The following DKK2 variants were observed in gnomAD, a reference collection of about 807,000 sequenced individuals.
DKK2 encodes the protein dickkopf-related protein 2.
Under a neutral mutation model 28.1 loss-of-function variants are expected in DKK2, and 11 were observed. The observed-to-expected ratio is 0.39, with a 90% CI of 0.25 to 0.65. The LOEUF (loss-of-function observed/expected upper bound fraction) is 0.65. Among genes scored for constraint, DKK2 ranks in the 30% least tolerant of loss-of-function variants. DKK2 has a pLI of 0.47. For missense variants in DKK2, 326 were observed against 335.5 expected (o/e 0.97, Z 0.22); for synonymous variants, 135 against 126.5 (o/e 1.07, Z -0.45).
intron 1 of DKK2, among the ~76,000 whole-genome samples, chr4:107,004,043 C>T (rs922669762): frequency 3.3e-5 from 5 of 150,474 alleles, no homozygotes; most frequent in East Asian, 4.0e-4. Context: ...ATTCATAATA[C>T]TATGTGGATT....
At chr4:106,974,019 AG>A (rs769581591) in intron 1 of DKK2, among the ~76,000 whole-genome samples, 22 of 152,066 alleles carry the variant, frequency 1.4e-4, no homozygotes, top group Non-Finnish European at 3.1e-4. Context: ...TGTTTTTGTC[AG>A]GTTTGTCAAA....
Position 106,921,963 on chromosome 4 carries a change from C to T in DKK2, c.*1991G>A, listed in dbSNP as rs1724349379. 6.6e-6 allele frequency: 1 copy of T among 152,384 alleles called. No homozygotes were observed. Among genetic ancestry groups the T allele is most frequent in the Admixed American group, 6.6e-5 (1 of 15,232 alleles). The allele number at this position is 152,384 out of a possible 1,614,324, so 9.4% of individuals were successfully genotyped here. A position where few individuals can be genotyped will look rare whatever the true frequency, so the allele number is the denominator to read the frequency against. On this transcript the variant is annotated 3_prime_UTR_variant, in exon 4 of 4. Transcript: ENST00000285311. Reference sequence around the variant, plus strand: ...ATTAACATTTCCTGTAAATAAATTACTTCAAATAATAATTTTTAAAAGGGT... The same window carrying T: ...ATTAACATTTCCTGTAAATAAATTATTTCAAATAATAATTTTTAAAAGGGT...
In DKK2 at chr4:107,035,848, G is replaced by A. The variant is rs1341432649; in HGVS notation, c.-257C>T. On this transcript the variant is annotated 5_prime_UTR_variant, in exon 1 of 4. Transcript: ENST00000285311. The stretch of plus-strand genomic sequence containing the variant: ...CTGCAATAACTGGAAGCAATCAAAT[G>A]CGAGGCGCTTTCTCGCCAAGGAGGC... 5.6e-6 allele frequency: 3 copies of A among 535,678 alleles called. No individual in the cohort carries two copies. Among genetic ancestry groups the A allele is most frequent in the Non-Finnish European group, 1.0e-5 (3 of 298,708 alleles). The allele number at this position is 535,678 out of a possible 1,614,324, so 33.2% of individuals were successfully genotyped here.
At chr4:107,000,566 T>C (rs1723344354) in intron 1 of DKK2, among the ~76,000 whole-genome samples, 1 of 152,210 alleles carries the variant, frequency 6.6e-6, no homozygotes, top group African/African-American at 2.4e-5. Flanking sequence ...TGGTCTGTTA[T>C]ATACTAATCA....
intron 1 of DKK2, among the ~76,000 whole-genome samples, chr4:107,006,250 G>A (rs1421827278): frequency 6.6e-6 from 1 of 152,186 alleles, no homozygotes; most frequent in Non-Finnish European, 1.5e-5. Context: ...CCATTTTCAT[G>A]TGTTATTAAT....
intron 1 of DKK2, among the ~76,000 whole-genome samples, chr4:106,970,595 A>C (rs1296527328): frequency 6.6e-6 from 1 of 152,042 alleles, no homozygotes; most frequent in African/African-American, 2.4e-5. Context: ...GAACCTCTCA[A>C]ATGATTGACT....
chr4:106,983,378 A>AGAAAGAAC, intron 1 of DKK2, among the ~76,000 whole-genome samples: 1 of 126,276 alleles, frequency 7.9e-6, no homozygotes, highest in Admixed American at 7.7e-5. Flanking sequence ...GAAGAAAGAA[A>AGAAAGAAC]AGAAAGAAAA....
chr4:107,023,006 C>T (rs1723719189), intron 1 of DKK2, among the ~76,000 whole-genome samples: 1 of 151,922 alleles, frequency 6.6e-6, no homozygotes, highest in African/African-American at 2.4e-5. Context: ...TTTGAGTTGC[C>T]TGTCAGATGT....
chr4:106,956,238 T>C (rs1476757257), intron 1 of DKK2, among the ~76,000 whole-genome samples: 2 of 152,092 alleles, frequency 1.3e-5, no homozygotes, highest in African/African-American at 2.4e-5. Flanking sequence ...AAACCACTGC[T>C]CAATGAAATA....
chr4:106,988,025 CG>C (rs971669457), intron 1 of DKK2, among the ~76,000 whole-genome samples: 23 of 152,036 alleles, frequency 1.5e-4, no homozygotes, highest in African/African-American at 5.3e-4. Flanking sequence ...CCATCACGCC[CG>C]GCTAATTTTT....
chr4:107,024,294 G>A (rs1723739211), intron 1 of DKK2, among the ~76,000 whole-genome samples: 1 of 152,000 alleles, frequency 6.6e-6, no homozygotes, highest in African/African-American at 2.4e-5. Context: ...TAAAGACATA[G>A]GGCTCTTCTT....
At chr4:106,986,508 A>G (rs546660710) in intron 1 of DKK2, among the ~76,000 whole-genome samples, 66 of 152,294 alleles carry the variant, frequency 4.3e-4, no homozygotes, top group African/African-American at 1.6e-3. Context: ...TGCTAAATAT[A>G]TAATCTCTTA....
intron 1 of DKK2, among the ~76,000 whole-genome samples, chr4:107,016,055 C>A (rs1054355605): frequency 6.6e-6 from 1 of 151,660 alleles, no homozygotes; most frequent in African/African-American, 2.4e-5. Flanking sequence ...TTTTTCTTAA[C>A]CTTAAGCAAC....
chr4:107,014,445 A>G (rs1723560674), intron 1 of DKK2, among the ~76,000 whole-genome samples: 1 of 151,418 alleles, frequency 6.6e-6, no homozygotes, highest in Admixed American at 6.6e-5. Flanking sequence ...AGTTGATCTC[A>G]TAGAATTATA....
intron 1 of DKK2, among the ~76,000 whole-genome samples, chr4:106,962,909 A>G (rs565570079): frequency 6.6e-6 from 1 of 151,938 alleles, no homozygotes; most frequent in East Asian, 1.9e-4. Context: ...AACTCAATAG[A>G]AAAAAAATAA....
intron 1 of DKK2, among the ~76,000 whole-genome samples, chr4:106,931,353 C>A (rs761067375): frequency 6.6e-6 from 1 of 151,970 alleles, no homozygotes; most frequent in Non-Finnish European, 1.5e-5. Flanking sequence ...TTATTGAACA[C>A]CAACTATGAT....
At chr4:106,968,129 GAGGA>G (rs370699094) in intron 1 of DKK2, among the ~76,000 whole-genome samples, 3 of 131,446 alleles carry the variant, frequency 2.3e-5, no homozygotes, top group South Asian at 2.8e-4. Context: ...GGGAAGGAGG[GAGGA>G]AGGAAGGAAG....
chr4:106,979,422 T>C (rs1722994429), intron 1 of DKK2, among the ~76,000 whole-genome samples: 1 of 151,022 alleles, frequency 6.6e-6, no homozygotes, highest in Non-Finnish European at 1.5e-5. Context: ...TGAGTTCTAA[T>C]CAGACTACTT....
At chr4:106,962,425 A>G (rs1291948105) in intron 1 of DKK2, among the ~76,000 whole-genome samples, 1 of 151,926 alleles carries the variant, frequency 6.6e-6, no homozygotes, top group Admixed American at 6.6e-5. Flanking sequence ...CTGATTTTCA[A>G]TAAAGGTGCC....
Sources: allele counts gnomAD v4.1 joint callset (sites outside exome capture counted in the v4.1 genomes callset), GRCh38; gene constraint gnomAD v4.1.1; transcripts MANE v1.5; gene names NCBI Gene and HGNC (gene_info 2026-07-23, HGNC 2026-07-21).